The following PCSK5 variants were observed in gnomAD, a reference collection of about 807,000 sequenced individuals.
The protein encoded by PCSK5 is proprotein convertase subtilisin/kexin type 5, also known as prohormone convertase 5.
PCSK5 carries 129 observed loss-of-function variants against 233.2 expected under a neutral mutation model. The observed-to-expected ratio is 0.55, with a 90% CI of 0.48 to 0.64. The LOEUF (loss-of-function observed/expected upper bound fraction) is 0.64, where lower values mean the gene tolerates loss of function less well. Ranked by LOEUF, PCSK5 falls within the 30% of genes least tolerant of loss-of-function variation. The pLI, the probability that PCSK5 is intolerant of heterozygous loss-of-function variation, is 0.00. For synonymous variants in PCSK5, 825 were observed against 879.2 expected (o/e 0.94, Z 1.09); for missense variants, 2,076 against 2,430.1 (o/e 0.85, Z 3.06).
At chr9:75,938,852 C>T (rs1360571264) in intron 2 of PCSK5, among the ~76,000 whole-genome samples, 1 of 151,956 alleles carries the variant, frequency 6.6e-6, no homozygotes, top group Non-Finnish European at 1.5e-5. Context: ...GATTTGTGTG[C>T]CAGAGTGGGG....
chr9:76,037,478 A>G (rs545230079), intron 5 of PCSK5, among the ~76,000 whole-genome samples: 1 of 152,328 alleles, frequency 6.6e-6, no homozygotes, highest in South Asian at 2.1e-4. Context: ...ATTACAGGTG[A>G]CAGTAAGTAA....
chr9:76,039,921 C>T (rs1271962212), intron 5 of PCSK5, among the ~76,000 whole-genome samples: 1 of 152,144 alleles, frequency 6.6e-6, no homozygotes, highest in Non-Finnish European at 1.5e-5. Context: ...TCTCAGGTTC[C>T]CTCGAATGGC....
At chr9:76,345,151 C>G (rs1829941631) in intron 35 of PCSK5, among the ~76,000 whole-genome samples, 1 of 151,876 alleles carries the variant, frequency 6.6e-6, no homozygotes, top group Non-Finnish European at 1.5e-5. Flanking sequence ...TCTTGTATTT[C>G]CCAGTGTCTA....
chr9:75,894,356 A>G (rs570427226), intron 1 of PCSK5, among the ~76,000 whole-genome samples: 10 of 152,238 alleles, frequency 6.6e-5, no homozygotes, highest in African/African-American at 2.2e-4. Flanking sequence ...GGGCATTTCT[A>G]TGGAAAATAA....
intron 5 of PCSK5, among the ~76,000 whole-genome samples, chr9:76,066,344 G>A (rs982990411): frequency 6.6e-6 from 1 of 151,996 alleles, no homozygotes; most frequent in Non-Finnish European, 1.5e-5. Flanking sequence ...TGTAGTAATT[G>A]TTTCAGTCTT....
chr9:76,141,815 T>A (rs1025821668), intron 10 of PCSK5, among the ~76,000 whole-genome samples: 1 of 152,118 alleles, frequency 6.6e-6, no homozygotes, highest in African/African-American at 2.4e-5. Context: ...CAGAATGAGA[T>A]CATGTCTTTG....
intron 20 of PCSK5, among the ~76,000 whole-genome samples, chr9:76,201,915 G>T (rs967673332): frequency 6.6e-6 from 1 of 152,158 alleles, no homozygotes; most frequent in Non-Finnish European, 1.5e-5. Flanking sequence ...CATGCTGAAA[G>T]TTAATACAAA....
chr9:76,089,909 AG>A (rs1469041480), intron 7 of PCSK5, among the ~76,000 whole-genome samples: 6 of 152,206 alleles, frequency 3.9e-5, no homozygotes, highest in Non-Finnish European at 8.8e-5. Context: ...TAATGCTGAT[AG>A]GGTAATACAA....
At position 76,360,234 on chromosome 9, in the gene PCSK5, ACAAG is replaced by A. The variant is rs1830408586; in HGVS notation, c.*1314_*1317del. 1 of 152,238 alleles carries A rather than the reference ACAAG, an allele frequency of 6.6e-6. No homozygotes were observed. Among genetic ancestry groups the A allele is most frequent in the Non-Finnish European group, 1.5e-5 (1 of 68,080 alleles). 9.4% of individuals were successfully genotyped at this position (152,238 alleles called of 1,614,324 possible). A position where few individuals can be genotyped will look rare whatever the true frequency, so the allele number is the denominator to read the frequency against. On this transcript the variant is annotated 3_prime_UTR_variant, in exon 38 of 38. Coordinates refer to ENST00000674117, the MANE Select transcript of PCSK5 (RefSeq NM_001372043.1). Reference sequence around the variant, plus strand: ...TCTATTGCACACCTACTACCAGATAACAAGCTAAGTAATTCCCCCCCAAAAATGC... The same window carrying A: ...TCTATTGCACACCTACTACCAGATAACTAAGTAATTCCCCCCCAAAAATGC...
intron 20 of PCSK5, among the ~76,000 whole-genome samples, chr9:76,211,153 T>C (rs572774891): frequency 6.6e-6 from 1 of 152,310 alleles, no homozygotes; most frequent in East Asian, 1.9e-4. Context: ...ACCACTACTT[T>C]ATGGAAGAGA....
At chr9:75,925,383 G>A (rs1823440593) in intron 1 of PCSK5, among the ~76,000 whole-genome samples, 1 of 152,164 alleles carries the variant, frequency 6.6e-6, no homozygotes, top group South Asian at 2.1e-4. Flanking sequence ...AATGCCAGGG[G>A]CTATTCATTC....
intron 4 of PCSK5, 110 bp downstream of exon 4, chr9:76,023,991 G>A (rs1047036627): frequency 2.1e-5 from 19 of 898,522 alleles, no homozygotes; most frequent in African/African-American, 5.1e-5. Flanking sequence ...ACGTACAATA[G>A]GGTATTGTGT....
chr9:75,902,221 A>T (rs1427688302), intron 1 of PCSK5, among the ~76,000 whole-genome samples: 2 of 90,962 alleles, frequency 2.2e-5, no homozygotes, highest in African/African-American at 9.2e-5. Context: ...ATCTAAAAAA[A>T]AAAAAAAAAA....
At chr9:76,281,242 A>C (rs533299801) in intron 24 of PCSK5, among the ~76,000 whole-genome samples, 1 of 152,330 alleles carries the variant, frequency 6.6e-6, no homozygotes, top group Non-Finnish European at 1.5e-5. Flanking sequence ...TAGGACTTTC[A>C]TAGCTAGAGA....
intron 2 of PCSK5, among the ~76,000 whole-genome samples, chr9:75,968,666 A>T (rs917656652): frequency 1.3e-5 from 2 of 152,232 alleles, no homozygotes; most frequent in African/African-American, 4.8e-5. Flanking sequence ...GCCAGATTTT[A>T]TAGAAATCCA....
In PCSK5 at chr9:76,112,732, C is replaced by T. The variant is rs114109521; in HGVS notation, c.1208+5381C>T. Among the ~76,000 whole-genome samples, 1,499 of 152,160 alleles carry T rather than the reference C, an allele frequency of 9.9e-3. 17 individuals carry two copies. The highest frequency in any genetic ancestry group is 0.035 in the African/African-American group (1,435 of 41,510). On this transcript the variant is annotated intron_variant, in intron 9 of 37. Coordinates refer to ENST00000674117, the MANE Select transcript of PCSK5 (RefSeq NM_001372043.1). ...AATATGTATAAAATATTATATATCA[C>T]TTGCTTTCAGGGGATTTTATATTCT...
intron 24 of PCSK5, among the ~76,000 whole-genome samples, chr9:76,247,239 G>T (rs117462086): frequency 0.012 from 1,783 of 152,318 alleles, 23 homozygotes; most frequent in South Asian, 0.033. Flanking sequence ...AACAGCAGTG[G>T]TGGACGCGAG....
Position 76,142,034 on chromosome 9 carries a change from C to T in PCSK5, c.1312+7822C>T, listed in dbSNP as rs147340604. Among the ~76,000 whole-genome samples the T allele has an allele frequency of 7.3e-3, 1,112 of 152,066 alleles. 9 individuals carry two copies. Among genetic ancestry groups the T allele is most frequent in the Non-Finnish European group, 0.01 (682 of 67,984 alleles). On this transcript the variant is annotated intron_variant, in intron 10 of 37. Coordinates refer to ENST00000674117, the MANE Select transcript of PCSK5 (RefSeq NM_001372043.1). ...GGAAAAATAACTATTGGATACTGGGCTTAATACCTGGGGGATGAAATAATC... is the reference window on the plus strand; with the variant it reads ...GGAAAAATAACTATTGGATACTGGGTTTAATACCTGGGGGATGAAATAATC...
chr9:75,942,743 C>A (rs974520594), intron 2 of PCSK5, among the ~76,000 whole-genome samples: 1 of 151,884 alleles, frequency 6.6e-6, no homozygotes, highest in Admixed American at 6.6e-5. Context: ...ATAAAAGTGA[C>A]GGCCATAAAA....
Sources: gnomAD v4.1 joint callset for allele counts (sites outside exome capture counted in the v4.1 genomes callset) on GRCh38, gnomAD v4.1.1 for gene constraint, MANE v1.5 for transcripts, NCBI Gene and HGNC (gene_info 2026-07-23, HGNC 2026-07-21) for gene names.